HS6ST3: variants seen among roughly 807,000 people sequenced by gnomAD.
The protein encoded by HS6ST3 is heparan sulfate 6-O-sulfotransferase 3.
Under a neutral mutation model 36.7 loss-of-function variants are expected in HS6ST3, and 12 were observed. The observed-to-expected ratio is 0.33, with a 90% confidence interval of 0.21 to 0.53. The LOEUF is 0.53. HS6ST3 is among the 20% of genes least tolerant of loss of function. The pLI is 0.95. For synonymous variants in HS6ST3, 240 were observed against 257.5 expected, an observed-to-expected ratio of 0.93 and a Z score of 0.65; for missense variants, 584 against 640.9, an observed-to-expected ratio of 0.91 and a Z score of 0.96.
chr13:96,800,981 C>A (rs1352496399), intron 1 of HS6ST3, among the ~76,000 whole-genome samples: 1 of 152,150 alleles, frequency 6.6e-6, no homozygotes, highest in African/African-American at 2.4e-5. Context: ...TCTCAGCCAT[C>A]CTTTAATTCT....
chr13:96,232,751 C>A (rs1201769252), intron 1 of HS6ST3, among the ~76,000 whole-genome samples: 1 of 151,918 alleles, frequency 6.6e-6, no homozygotes. Context: ...ATGATCGGTA[C>A]CTAAAGATGA....
intron 1 of HS6ST3, among the ~76,000 whole-genome samples, chr13:96,207,067 C>A (rs2054374166): frequency 6.6e-6 from 1 of 151,846 alleles, no homozygotes; most frequent in Admixed American, 6.6e-5. Context: ...CATCTGAGGT[C>A]TAATATCCAG....
chr13:96,107,228 G>A (rs1239357265), intron 1 of HS6ST3, among the ~76,000 whole-genome samples: 1 of 152,138 alleles, frequency 6.6e-6, no homozygotes, highest in Non-Finnish European at 1.5e-5. Context: ...TGGAGAGTTG[G>A]TGTAAGTGTG....
At chr13:96,685,622 T>C (rs899918261) in intron 1 of HS6ST3, among the ~76,000 whole-genome samples, 4 of 152,086 alleles carry the variant, frequency 2.6e-5, no homozygotes, top group Non-Finnish European at 5.9e-5. Flanking sequence ...GTGTGTAATG[T>C]GTATGCACAA....
At chr13:96,200,994 T>C (rs1234118510) in intron 1 of HS6ST3, among the ~76,000 whole-genome samples, 1 of 152,190 alleles carries the variant, frequency 6.6e-6, no homozygotes, top group Non-Finnish European at 1.5e-5. Context: ...GTGGCCATGG[T>C]ATTCTGCCTG....
At chr13:96,375,646 T>TA (rs1229668114) in intron 1 of HS6ST3, among the ~76,000 whole-genome samples, 1 of 152,166 alleles carries the variant, frequency 6.6e-6, no homozygotes, top group Non-Finnish European at 1.5e-5. Context: ...TGCTTATTAA[T>TA]ATCTCTCAAC....
intron 1 of HS6ST3, among the ~76,000 whole-genome samples, chr13:96,332,674 G>C (rs2055077720): frequency 6.6e-6 from 1 of 152,222 alleles, no homozygotes; most frequent in Non-Finnish European, 1.5e-5. Context: ...ATGCCACTAT[G>C]ACCGAAGGGA....
chr13:96,618,663 C>T (rs568189706), intron 1 of HS6ST3, among the ~76,000 whole-genome samples: 4 of 152,290 alleles, frequency 2.6e-5, no homozygotes, highest in Non-Finnish European at 4.4e-5. Context: ...GCATTTCTGA[C>T]GTGGTACAAT....
At chr13:96,544,275 C>T (rs1201848598) in intron 1 of HS6ST3, among the ~76,000 whole-genome samples, 1 of 152,166 alleles carries the variant, frequency 6.6e-6, no homozygotes, top group African/African-American at 2.4e-5. Context: ...ATTCAAAGTA[C>T]GTTGGCTCCA....
intron 1 of HS6ST3, among the ~76,000 whole-genome samples, chr13:96,656,996 T>TGAGAGAGAGAGA (rs1175623855): frequency 8.1e-6 from 1 of 124,078 alleles, no homozygotes; most frequent in African/African-American, 3.0e-5. Context: ...TGTGTGTGTG[T>TGAGAGAGAGAGA]GTGAGAGAGA....
intron 1 of HS6ST3, among the ~76,000 whole-genome samples, chr13:96,678,567 C>T (rs549090535): frequency 1.0e-3 from 159 of 151,590 alleles, no homozygotes; most frequent in African/African-American, 3.6e-3. Context: ...CCCAGCTACT[C>T]GGGAGGCTGA....
At chr13:96,146,430 G>A (rs1215077415) in intron 1 of HS6ST3, among the ~76,000 whole-genome samples, 2 of 152,140 alleles carry the variant, frequency 1.3e-5, no homozygotes, top group Non-Finnish European at 2.9e-5. Flanking sequence ...GTGAATGGGA[G>A]TGCACTCATG....
Position 96,658,532 on chromosome 13 carries a change from C to T in HS6ST3, c.708-173958C>T, listed in dbSNP as rs892946405. Among the ~76,000 whole-genome samples the T allele has an allele frequency of 1.3e-4, 19 of 151,396 alleles. No homozygotes were observed. The East Asian group carries it at 3.6e-3, about 28-fold the overall frequency. On this transcript the variant is annotated intron_variant, in intron 1 of 1. Transcript: ENST00000376705. ...TCCTGATCTCAAATGATCTGCCTGC[C>T]TTGGCCTCCCAAAGTGCTGGGATTA...
At chr13:96,451,535 C>A (rs1017559480) in intron 1 of HS6ST3, among the ~76,000 whole-genome samples, 1 of 152,130 alleles carries the variant, frequency 6.6e-6, no homozygotes, top group Non-Finnish European at 1.5e-5. Context: ...TCTGCTCAAG[C>A]CTCATTAGTA....
intron 1 of HS6ST3, among the ~76,000 whole-genome samples, chr13:96,374,132 T>G (rs927595171): frequency 6.6e-6 from 1 of 152,178 alleles, no homozygotes; most frequent in African/African-American, 2.4e-5. Flanking sequence ...TGTTGCACAG[T>G]TAACTATCCT....
At chr13:96,269,027 G>A (rs1387751458) in intron 1 of HS6ST3, among the ~76,000 whole-genome samples, 1 of 151,946 alleles carries the variant, frequency 6.6e-6, no homozygotes, top group African/African-American at 2.4e-5. Flanking sequence ...CTGAATGATT[G>A]TGTAACTGTT....
At chr13:96,474,132 G>A (rs1479710665) in intron 1 of HS6ST3, among the ~76,000 whole-genome samples, 1 of 152,072 alleles carries the variant, frequency 6.6e-6, no homozygotes, top group Non-Finnish European at 1.5e-5. Context: ...GCTGGTCAAT[G>A]AATCCTCTTC....
intron 1 of HS6ST3, among the ~76,000 whole-genome samples, chr13:96,249,301 T>G (rs1040869264): frequency 6.6e-6 from 1 of 152,226 alleles, no homozygotes; most frequent in Non-Finnish European, 1.5e-5. Flanking sequence ...TGGTGGACTT[T>G]GCTTAAGATA....
At chr13:96,224,516 A>G (rs140470437) in intron 1 of HS6ST3, among the ~76,000 whole-genome samples, 1,680 of 152,166 alleles carry the variant, frequency 0.011, 18 homozygotes, top group South Asian at 0.031. Flanking sequence ...GGATCTCACT[A>G]TGTTGCTCAG....
Sources: allele counts gnomAD v4.1 joint callset (sites outside exome capture counted in the v4.1 genomes callset), GRCh38; gene constraint gnomAD v4.1.1; transcripts MANE v1.5; gene names NCBI Gene and HGNC (gene_info 2026-07-23, HGNC 2026-07-21).